Variants in NR1H4 observed in about 807,000 individuals in gnomAD.
NR1H4 encodes the protein nuclear receptor subfamily 1 group H member 4, also known as bile acid receptor.
NR1H4 carries 23 observed loss-of-function variants against 58.5 expected under a neutral mutation model. The ratio of observed to expected loss-of-function variants is 0.39; its 90% confidence interval spans 0.28 to 0.56. NR1H4 has a LOEUF of 0.56. Ranked by LOEUF, NR1H4 falls within the 20% of genes least tolerant of loss-of-function variation. The probability of loss-of-function intolerance (pLI) is 0.58; values close to 1 mark genes in which losing one functional copy is unlikely to be tolerated. For synonymous variants in NR1H4, 214 were observed against 198.0 expected, an observed-to-expected ratio of 1.08 and a Z score of -0.68; for missense variants, 487 against 576.9, an observed-to-expected ratio of 0.84 and a Z score of 1.60.
Position 100,479,719 on chromosome 12 carries a change from G to A in NR1H4, c.-190+5660G>A, listed in dbSNP as rs114908786. On this transcript the variant is annotated intron_variant, in intron 1 of 10. Coordinates refer to ENST00000392986, the MANE Select transcript of NR1H4 (RefSeq NM_001206979.2). ...CCAAACTCCTTACCATGGCCAACAG[G>A]CCATACAAGAGCTGCCTACTCTCAG... 6.8e-3 allele frequency among the ~76,000 whole-genome samples: 1,029 copies of A among 152,272 alleles called. 11 individuals carry two copies. Among genetic ancestry groups the A allele is most frequent in the African/African-American group, 0.024 (983 of 41,538 alleles).
At chr12:100,520,908 T>C (rs1010762474) in intron 4 of NR1H4, among the ~76,000 whole-genome samples, 7 of 152,178 alleles carry the variant, frequency 4.6e-5, no homozygotes, top group African/African-American at 1.7e-4. Context: ...GATATAAAGC[T>C]AGCGAATTCT....
rs138579693 is a variant in NR1H4, at chr12:100,554,697, C to T, written c.1079-7188C>T. 1.9e-3 allele frequency among the ~76,000 whole-genome samples: 289 copies of T among 152,106 alleles called. 3 individuals are homozygous for T. Among genetic ancestry groups the T allele is most frequent in the Admixed American group, 3.7e-3 (57 of 15,260 alleles). ...TTTGGTAGTTAAGTTAGAAAATAGC[C>T]CCCCCTTGTGACCAAAAATCAGGTA... is the stretch of plus-strand genomic sequence containing the variant. On this transcript the variant is annotated intron_variant, in intron 9 of 10. Coordinates refer to ENST00000392986, the MANE Select transcript of NR1H4 (RefSeq NM_001206979.2).
chr12:100,524,826 T>C (rs60269404), intron 4 of NR1H4, among the ~76,000 whole-genome samples: 5,715 of 152,168 alleles, frequency 0.038, 362 homozygotes, highest in African/African-American at 0.13. Flanking sequence ...TGTAGTACCA[T>C]CTTCCCTCCC....
chr12:100,537,625 T>C (rs1346316729), intron 8 of NR1H4, among the ~76,000 whole-genome samples: 2 of 152,242 alleles, frequency 1.3e-5, no homozygotes, highest in Non-Finnish European at 2.9e-5. Context: ...AGGATCATAT[T>C]TGAGTTGAGT....
chr12:100,539,493 G>A (rs1437992222), intron 8 of NR1H4, among the ~76,000 whole-genome samples: 1 of 152,076 alleles, frequency 6.6e-6, no homozygotes, highest in Admixed American at 6.5e-5. Context: ...AATTTTTAGC[G>A]TTGCTCTCTT....
chr12:100,518,953 A>T lies in NR1H4; in HGVS notation c.445+7810A>T, dbSNP rs145813305. Reference sequence around the variant, plus strand: ...CAGGCACCAGCCACCATGCCCAGCTAATTTTTGTATTTTTAGTAGAGACGG... The same window carrying T: ...CAGGCACCAGCCACCATGCCCAGCTTATTTTTGTATTTTTAGTAGAGACGG... On this transcript the variant is annotated intron_variant, in intron 4 of 10. Transcript: ENST00000392986. Among the ~76,000 whole-genome samples, 555 of 151,962 alleles carry T rather than the reference A, an allele frequency of 3.7e-3. 2 individuals carry two copies. Among genetic ancestry groups the T allele is most frequent in the Middle Eastern group, 0.024 (7 of 294 alleles).
chr12:100,538,426 G>A (rs1002505919), intron 8 of NR1H4, among the ~76,000 whole-genome samples: 5 of 152,182 alleles, frequency 3.3e-5, no homozygotes, highest in Non-Finnish European at 5.9e-5. Context: ...GATAGGGCTT[G>A]AGGAACAGTT....
At chr12:100,507,303 A>G (rs2136143717) in intron 3 of NR1H4, among the ~76,000 whole-genome samples, 1 of 152,264 alleles carries the variant, frequency 6.6e-6, no homozygotes, top group African/African-American at 2.4e-5. Flanking sequence ...TGGTGATGAA[A>G]TAGATCAGGA....
At chr12:100,498,733 A>G (rs556070885) in intron 3 of NR1H4, among the ~76,000 whole-genome samples, 18 of 152,164 alleles carry the variant, frequency 1.2e-4, no homozygotes, top group Non-Finnish European at 2.4e-4. Context: ...ACAGCTTTGG[A>G]ATCCACGTCT....
At chr12:100,534,560 T>C (rs1420623407) in intron 5 of NR1H4, among the ~76,000 whole-genome samples, 3 of 152,222 alleles carry the variant, frequency 2.0e-5, no homozygotes, top group Non-Finnish European at 4.4e-5. Flanking sequence ...TGCTTTCATA[T>C]CACAAGTTCT....
At chr12:100,530,980 C>A (rs546628250) in intron 4 of NR1H4, among the ~76,000 whole-genome samples, 1 of 152,272 alleles carries the variant, frequency 6.6e-6, no homozygotes, top group South Asian at 2.1e-4. Context: ...GGAGAGATTT[C>A]TCTGCTCCAC....
intron 9 of NR1H4, among the ~76,000 whole-genome samples, chr12:100,543,418 G>T (rs903270442): frequency 2.6e-5 from 4 of 152,096 alleles, no homozygotes; most frequent in African/African-American, 7.2e-5. Flanking sequence ...CTCTTAGGAG[G>T]CAAGAAGTCT....
intron 8 of NR1H4, 78 bp from the exon 9 acceptor site, chr12:100,540,594 T>C (rs891988230): frequency 2.0e-6 from 3 of 1,474,160 alleles, no homozygotes; most frequent in East Asian, 4.5e-5. Flanking sequence ...TTGATGTAAA[T>C]GTTTTATCAA....
intron 3 of NR1H4, among the ~76,000 whole-genome samples, chr12:100,494,948 T>C (rs759981334): frequency 2.0e-5 from 3 of 152,178 alleles, no homozygotes; most frequent in Non-Finnish European, 2.9e-5. Context: ...CCAATTTGCA[T>C]ACAGAGAGAA....
chr12:100,503,118 G>A (rs1420285317), intron 3 of NR1H4, among the ~76,000 whole-genome samples: 2 of 152,138 alleles, frequency 1.3e-5, no homozygotes, highest in African/African-American at 2.4e-5. Context: ...TCAGGACCCG[G>A]AGCATGGCAC....
intron 8 of NR1H4, among the ~76,000 whole-genome samples, chr12:100,540,174 A>G (rs557547001): frequency 4.7e-4 from 72 of 152,310 alleles, no homozygotes; most frequent in African/African-American, 1.7e-3. Context: ...TGTGTGTCGC[A>G]GTGCTGAGTT....
Position 100,564,322 on chromosome 12 carries a change from G to GA in NR1H4, c.*835dup, listed in dbSNP as rs1322770457. ...CTGCTGTATACTTCCCCCAAAGCAG[G>GA]AATTAGTTCATTTCCTTCCTTCATT... is the stretch of plus-strand genomic sequence containing the variant. On this transcript the variant is annotated 3_prime_UTR_variant, in exon 11 of 11. Transcript: ENST00000392986. 6.6e-6 allele frequency: 1 copy of GA among 152,166 alleles called. No homozygotes were observed. Among genetic ancestry groups the GA allele is most frequent in the Non-Finnish European group, 1.5e-5 (1 of 68,038 alleles). The allele number at this position is 152,166 out of a possible 1,614,324, so 9.4% of individuals were successfully genotyped here.
chr12:100,507,225 G>C (rs922083407), intron 3 of NR1H4, among the ~76,000 whole-genome samples: 2 of 152,158 alleles, frequency 1.3e-5, no homozygotes, highest in Non-Finnish European at 2.9e-5. Flanking sequence ...AAGTGTACGT[G>C]AAACTAATGC....
At chr12:100,519,087 C>G (rs1433051023) in intron 4 of NR1H4, among the ~76,000 whole-genome samples, 1 of 152,110 alleles carries the variant, frequency 6.6e-6, no homozygotes, top group Non-Finnish European at 1.5e-5. Context: ...CGTGCCTGGC[C>G]TTGACCCATG....
Sources: gnomAD v4.1 joint callset for allele counts (sites outside exome capture counted in the v4.1 genomes callset) on GRCh38, gnomAD v4.1.1 for gene constraint, MANE v1.5 for transcripts, NCBI Gene and HGNC (gene_info 2026-07-23, HGNC 2026-07-21) for gene names.